IGF1R: variants seen among roughly 807,000 people sequenced by gnomAD.
IGF1R encodes the protein insulin like growth factor 1 receptor.
In IGF1R, 44 loss-of-function variants were observed where a neutral mutation model predicts 144.6. The ratio of observed to expected loss-of-function variants is 0.30; its 90% CI spans 0.24 to 0.39. IGF1R has a LOEUF of 0.39. Ranked by LOEUF, IGF1R falls within the 10% of genes least tolerant of loss-of-function variation. The pLI is 1.00. For synonymous variants in IGF1R, 795 were observed against 722.8 expected (o/e 1.10, Z -1.60); for missense variants, 1,355 against 1,833.7 (o/e 0.74, Z 4.77).
chr15:98,690,677 G>A (rs1437523909), intron 1 of IGF1R, among the ~76,000 whole-genome samples: 5 of 152,164 alleles, frequency 3.3e-5, no homozygotes, highest in Non-Finnish European at 7.3e-5. Context: ...AGAGTAGAAG[G>A]TGATAGGTGA....
At chr15:98,897,280 A>G in intron 4 of IGF1R, 1 of 220,462 alleles carries the variant, frequency 4.5e-6, no homozygotes, top group Non-Finnish European at 9.1e-6. Flanking sequence ...TTCAAGTCTA[A>G]AGAGTTTTGG....
At chr15:98,809,807 G>A (rs988723499) in intron 2 of IGF1R, among the ~76,000 whole-genome samples, 3 of 152,166 alleles carry the variant, frequency 2.0e-5, no homozygotes, top group Non-Finnish European at 2.9e-5. Flanking sequence ...ACGTGGTTCC[G>A]GAGGGTTTCC....
intron 2 of IGF1R, among the ~76,000 whole-genome samples, chr15:98,758,276 T>A (rs1230685046): frequency 5.3e-5 from 8 of 152,132 alleles, no homozygotes; most frequent in Admixed American, 5.2e-4. Flanking sequence ...CTTAGACTCC[T>A]CTTCCCGTCT....
At chr15:98,779,399 C>A (rs954652424) in intron 2 of IGF1R, among the ~76,000 whole-genome samples, 40 of 152,186 alleles carry the variant, frequency 2.6e-4, no homozygotes, top group South Asian at 6.2e-4. Flanking sequence ...TTTAAGAACA[C>A]TGCTCTGTGC....
chr15:98,742,211 G>A (rs1168643611), intron 2 of IGF1R, among the ~76,000 whole-genome samples: 2 of 152,202 alleles, frequency 1.3e-5, no homozygotes, highest in South Asian at 2.1e-4. Context: ...CCTTCTCACA[G>A]CATATCCTGT....
In IGF1R at chr15:98,707,977, G is replaced by A. The variant is rs781691449; in HGVS notation, c.510G>A (p.Val170=). 2 of 1,614,156 alleles carry A rather than the reference G, an allele frequency of 1.2e-6. No individual in the cohort carries two copies. The highest frequency in any genetic ancestry group is 1.1e-5 in the South Asian group (1 of 91,082). Residue 170 remains valine, a synonymous_variant, in exon 2 of 21, where the codon GTG becomes GTA. Coordinates refer to ENST00000650285, the MANE Select transcript of IGF1R (RefSeq NM_000875.5). This position sits in a 1 kb window ranked among gnomAD's most constrained non-coding sequence, Gnocchi z 6.7. Reference sequence around the variant, plus strand: ...ATGCGGTGTCCAATAACTACATTGTGGGGAATAAGCCCCCAAAGGAATGTG... The same window carrying A: ...ATGCGGTGTCCAATAACTACATTGTAGGGAATAAGCCCCCAAAGGAATGTG... ...ILDAVSNNYI[V]GNKPPKECGD... is the part of the protein sequence containing the mutation.
chr15:98,679,739 T>C (rs1172819474), intron 1 of IGF1R, among the ~76,000 whole-genome samples: 1 of 151,766 alleles, frequency 6.6e-6, no homozygotes, highest in East Asian at 1.9e-4. Flanking sequence ...AATTGTAAAA[T>C]AGCCTCAGGC....
intron 1 of IGF1R, among the ~76,000 whole-genome samples, chr15:98,675,220 C>T (rs1232854322): frequency 6.6e-6 from 1 of 152,086 alleles, no homozygotes; most frequent in African/African-American, 2.4e-5. Flanking sequence ...AACTCCTGAC[C>T]TCAAATGATC....
intron 2 of IGF1R, among the ~76,000 whole-genome samples, chr15:98,849,536 A>C (rs1026697995): frequency 4.6e-5 from 7 of 152,250 alleles, no homozygotes; most frequent in Admixed American, 3.9e-4. Context: ...AAAATCCAGA[A>C]GCCAGAAAAG....
intron 1 of IGF1R, among the ~76,000 whole-genome samples, chr15:98,701,241 G>A (rs1215806631): frequency 2.0e-5 from 3 of 151,484 alleles, no homozygotes; most frequent in Non-Finnish European, 4.4e-5. Context: ...TACCTTCACA[G>A]TGTGCCTGTA....
chr15:98,765,995 G>A (rs182746616), intron 2 of IGF1R, among the ~76,000 whole-genome samples: 1 of 152,292 alleles, frequency 6.6e-6, no homozygotes, highest in East Asian at 1.9e-4. Flanking sequence ...CCTTACCAAG[G>A]TACCGTGGGG....
At chr15:98,885,620 GC>G (rs779602279) in intron 2 of IGF1R, among the ~76,000 whole-genome samples, 2 of 152,130 alleles carry the variant, frequency 1.3e-5, no homozygotes, top group African/African-American at 4.8e-5. Flanking sequence ...GTACCTTAGG[GC>G]AACCCAGAAA....
At chr15:98,868,374 G>GC (rs992926687) in intron 2 of IGF1R, among the ~76,000 whole-genome samples, 2 of 119,054 alleles carry the variant, frequency 1.7e-5, no homozygotes, top group African/African-American at 5.6e-5. Context: ...TTTTTTTGGG[G>GC]GGGGGGTCCT....
chr15:98,719,747 C>G (rs545966482), intron 2 of IGF1R, among the ~76,000 whole-genome samples: 2 of 152,154 alleles, frequency 1.3e-5, no homozygotes, highest in Non-Finnish European at 2.9e-5. Context: ...CACAGGCTCC[C>G]TGAACTTCGT....
intron 2 of IGF1R, among the ~76,000 whole-genome samples, chr15:98,746,779 T>G (rs1227735158): frequency 6.6e-6 from 1 of 152,172 alleles, no homozygotes; most frequent in African/African-American, 2.4e-5. Context: ...AATTTGAGAG[T>G]TGAGGCCCCC....
intron 1 of IGF1R, among the ~76,000 whole-genome samples, chr15:98,652,709 CAA>C (rs938826647): frequency 4.6e-5 from 7 of 152,080 alleles, no homozygotes; most frequent in Non-Finnish European, 1.0e-4. Flanking sequence ...CTAGAATAAA[CAA>C]ATCCATAGAG....
intron 2 of IGF1R, among the ~76,000 whole-genome samples, chr15:98,870,102 T>A (rs565036542): frequency 6.6e-6 from 1 of 152,196 alleles, no homozygotes; most frequent in East Asian, 1.9e-4. Flanking sequence ...TGTGGTAAAA[T>A]GCACATAACA....
At position 98,735,188 on chromosome 15, in the gene IGF1R, TTA is replaced by T. The variant is rs746594948; in HGVS notation, c.640+27083_640+27084del. On this transcript the variant is annotated intron_variant, in intron 2 of 20. Transcript: ENST00000650285. Reference sequence around the variant, plus strand: ...CCCTCGTTTCAGTCCAGGTAGGGTTTTATGTCCCTGTCAAAAATGTGTTGTGT... The same window carrying T: ...CCCTCGTTTCAGTCCAGGTAGGGTTTTGTCCCTGTCAAAAATGTGTTGTGT... Among the ~76,000 whole-genome samples the T allele has an allele frequency of 2.0e-5, 3 of 152,284 alleles. No individual in the cohort carries two copies. The East Asian group carries it at 5.8e-4, about 29-fold the overall frequency.
intron 9 of IGF1R, 100 bp from the exon 10 acceptor site, chr15:98,916,572 A>T (rs762900341): frequency 9.3e-7 from 1 of 1,071,314 alleles, no homozygotes; most frequent in Non-Finnish European, 1.4e-6. Context: ...GAGACCAGCT[A>T]TCTTCTTGAT....
Sources: gnomAD v4.1 joint callset for allele counts (sites outside exome capture counted in the v4.1 genomes callset) on GRCh38, gnomAD v4.1.1 for gene constraint, Gnocchi (gnomAD v3.1) non-coding constraint, MANE v1.5 for transcripts, NCBI Gene and HGNC (gene_info 2026-07-23, HGNC 2026-07-21) for gene names.